Variants in ADSS1 observed in about 807,000 individuals in gnomAD.
ADSS1 encodes the protein adenylosuccinate synthetase isozyme 1.
A neutral mutation model predicts 59.1 loss-of-function variants in ADSS1; 57 were observed. The ratio of observed to expected loss-of-function variants is 0.97; its 90% confidence interval spans 0.78 to 1.20. ADSS1 has a LOEUF of 1.20. Ranked by LOEUF, ADSS1 falls within the 50% of genes most tolerant of loss-of-function variation. The probability of loss-of-function intolerance (pLI) is 0.00; values close to 1 mark genes in which losing one functional copy is unlikely to be tolerated. For missense variants in ADSS1, 603 were observed against 610.3 expected, an observed-to-expected ratio of 0.99 and a Z score of 0.13; for synonymous variants, 247 against 249.4, an observed-to-expected ratio of 0.99 and a Z score of 0.09.
chr14:104,734,050 C>T (rs1891028648), intron 1 of ADSS1, among the ~76,000 whole-genome samples: 1 of 152,246 alleles, frequency 6.6e-6, no homozygotes, highest in South Asian at 2.1e-4. Context: ...TAGGGATATC[C>T]CTTGCCGTTG....
chr14:104,739,306 C>T (rs768916203), intron 3 of ADSS1, 22 bp from the exon 4 acceptor site: 13 of 1,603,884 alleles, frequency 8.1e-6, no homozygotes, highest in South Asian at 1.1e-5. Context: ...CACTGACCCA[C>T]CTGTGTGCCG....
intron 3 of ADSS1, 33 bp downstream of exon 3, chr14:104,738,471 C>T: frequency 6.2e-7 from 1 of 1,609,932 alleles, no homozygotes. Flanking sequence ...TTGCCCTGTC[C>T]CAGACGCGGT....
At chr14:104,730,655 A>G (rs761987336) in intron 1 of ADSS1, among the ~76,000 whole-genome samples, 12 of 152,064 alleles carry the variant, frequency 7.9e-5, no homozygotes, top group Non-Finnish European at 1.8e-4. Flanking sequence ...TGGTGGGAGG[A>G]CTGGGGAGTG....
Position 104,737,907 on chromosome 14 carries a change from C to T in ADSS1, c.296-469C>T, listed in dbSNP as rs116861084. On this transcript the variant is annotated intron_variant, in intron 2 of 12. Transcript: ENST00000330877. Reference sequence around the variant, plus strand: ...GTAGACCGTGTTCTGCTTACCCATTCATCTGTCAATGGACAGCTCTTGGCT... The same window carrying T: ...GTAGACCGTGTTCTGCTTACCCATTTATCTGTCAATGGACAGCTCTTGGCT... 27 of 161,438 alleles carry T rather than the reference C, an allele frequency of 1.7e-4. No homozygotes were observed. In the East Asian group the frequency reaches 4.9e-3, roughly 29 times the overall value. The allele number at this position is 161,438 out of a possible 1,614,324, so 10.0% of individuals were successfully genotyped here.
chr14:104,734,407 G>A (rs946969863), intron 1 of ADSS1, among the ~76,000 whole-genome samples: 1 of 152,220 alleles, frequency 6.6e-6, no homozygotes, highest in Non-Finnish European at 1.5e-5. Flanking sequence ...TGGCATCCAG[G>A]GCGTGGCACA....
intron 4 of ADSS1, 97 bp from the exon 5 acceptor site, chr14:104,739,653 A>G (rs1891261475): frequency 2.2e-6 from 3 of 1,370,336 alleles, no homozygotes; most frequent in South Asian, 1.2e-5. Context: ...CCCCCTTCCC[A>G]GGAGACTCAG....
chr14:104,734,226 C>T (rs1381453570), intron 1 of ADSS1, among the ~76,000 whole-genome samples: 1 of 152,186 alleles, frequency 6.6e-6, no homozygotes, highest in Non-Finnish European at 1.5e-5. Context: ...CCCACCTGCC[C>T]TGCAGGAGCA....
At chr14:104,739,911 G>A in intron 5 of ADSS1, 95 bp downstream of exon 5, 1 of 1,369,896 alleles carries the variant, frequency 7.3e-7, no homozygotes, top group East Asian at 2.4e-5. Context: ...ACAACGAGGA[G>A]GGTACCTCAA....
Position 104,724,405 on chromosome 14 carries a change from C to T in ADSS1, c.135C>T (p.Gly45=). The T allele has an allele frequency of 7.9e-7, 1 of 1,264,610 alleles. No individual in the cohort carries two copies. Among genetic ancestry groups the T allele is most frequent in the Non-Finnish European group, 1.0e-6 (1 of 999,556 alleles). The allele number at this position is 1,264,610 out of a possible 1,614,324, so 78.3% of individuals were successfully genotyped here. The part of the protein sequence containing the change: ...VVLGAQWGDE[G]KGKVVDLLAT... ...TGGGCGCGCAGTGGGGGGACGAGGGCAAAGGCAAGGTGGTGGACCTGCTGG... is the reference window on the plus strand; with the variant it reads ...TGGGCGCGCAGTGGGGGGACGAGGGTAAAGGCAAGGTGGTGGACCTGCTGG... Residue 45 remains glycine, a synonymous_variant, in exon 1 of 13, where the codon GGC becomes GGT. Transcript: ENST00000330877.
intron 12 of ADSS1, 58 bp from the exon 13 acceptor site, chr14:104,746,893 C>G (rs746975867): frequency 1.3e-6 from 2 of 1,583,992 alleles, no homozygotes; most frequent in African/African-American, 2.7e-5. Context: ...CTAAAGACAA[C>G]TTTTTCTGAA....
chr14:104,724,506 C>A (rs1419299401), intron 1 of ADSS1, 44 bp downstream of exon 1: 2 of 1,133,224 alleles, frequency 1.8e-6, no homozygotes, highest in Admixed American at 4.6e-5. Context: ...GCCCAGCGAG[C>A]CCCCCTCCCC....
rs1287020035 is a variant in ADSS1, at chr14:104,741,223, C to T, written c.773C>T (p.Ala258Val). Residue 258 changes from alanine to valine, a missense_variant, in exon 8 of 13, where the codon GCC becomes GTC. Transcript: ENST00000330877. Reference protein sequence around the residue: ...KKILVEGANAALLDIDFGTYP... With the variant: ...KKILVEGANAVLLDIDFGTYP... ...ATCCTGGTGGAGGGTGCCAACGCCG[C>T]CCTCCTCGACATTGACTTCGGTATG... The T allele has an allele frequency of 6.2e-7, 1 of 1,601,292 alleles. No homozygotes were observed. The highest frequency in any genetic ancestry group is 1.7e-5 in the Admixed American group (1 of 57,458).
Position 104,741,198 on chromosome 14 carries a change from A to T in ADSS1, c.748A>T (p.Ile250Phe). The change falls in exon 8 of 13, where the codon ATC becomes TTC. Residue 250 changes from isoleucine to phenylalanine, a missense_variant. Physicochemically the swap from Ile to Phe is conservative, Grantham distance 21 (BLOSUM62 0). Coordinates refer to ENST00000330877, the MANE Select transcript of ADSS1 (RefSeq NM_152328.5). ...YEALHGPPKK[I>F]LVEGANAALL... ...GGCACTCCACGGCCCCCCCAAGAAG[A>T]TCCTGGTGGAGGGTGCCAACGCCGC... The T allele has an allele frequency of 6.2e-7, 1 of 1,611,476 alleles. No homozygotes were observed. The highest frequency in any genetic ancestry group is 8.5e-7 in the Non-Finnish European group (1 of 1,178,888).
chr14:104,738,703 AC>A (rs905101776), intron 3 of ADSS1, among the ~76,000 whole-genome samples: 1 of 152,220 alleles, frequency 6.6e-6, no homozygotes, highest in African/African-American at 2.4e-5. Flanking sequence ...AGGGACCTGG[AC>A]CAGACACCCA....
At chr14:104,734,908 A>C in intron 1 of ADSS1, 112 bp from the exon 2 acceptor site, 1 of 888,742 alleles carries the variant, frequency 1.1e-6, no homozygotes. Context: ...AGACACCCCA[A>C]AATCCAACAG....
chr14:104,740,285 C>T lies in ADSS1; in HGVS notation c.477-316C>T, dbSNP rs891672662. 3.9e-5 allele frequency among the ~76,000 whole-genome samples: 6 copies of T among 152,204 alleles called. No homozygotes were observed. The highest frequency in any genetic ancestry group is 3.9e-4 in the East Asian group (2 of 5,182). ...CTCATGCTCTTACATACACACCACA[C>T]GCCCACGCATGCTCGCACAGTTATG... On this transcript the variant is annotated intron_variant, in intron 5 of 12. Coordinates refer to ENST00000330877, the MANE Select transcript of ADSS1 (RefSeq NM_152328.5). The surrounding 1 kb of genome is among the most constrained non-coding windows in gnomAD (Gnocchi z 4.8).
At chr14:104,733,521 G>A (rs554902430) in intron 1 of ADSS1, among the ~76,000 whole-genome samples, 3 of 152,176 alleles carry the variant, frequency 2.0e-5, no homozygotes, top group African/African-American at 7.2e-5. Context: ...CAGAGGGAGG[G>A]GGCCGCCATC....
intron 1 of ADSS1, among the ~76,000 whole-genome samples, chr14:104,726,088 C>G (rs1022488207): frequency 1.3e-5 from 2 of 152,204 alleles, no homozygotes; most frequent in Non-Finnish European, 2.9e-5. Flanking sequence ...AGGCTGCCCC[C>G]GCCAGGCCAC....
Position 104,730,222 on chromosome 14 carries a change from G to C in ADSS1, c.193-4798G>C, listed in dbSNP as rs1158737876. On this transcript the variant is annotated intron_variant, in intron 1 of 12. Transcript: ENST00000330877. ...CACCTGGAGGGGAGCGGGTGGGTGC[G>C]GTGGCGTACATCTGTAACTCCAGCA... The C allele has an allele frequency of 4.7e-6, 7 of 1,493,164 alleles. No homozygotes were observed. In the African/African-American group the frequency reaches 9.7e-5, roughly 21 times the overall value. 92.5% of individuals were successfully genotyped at this position (1,493,164 alleles called of 1,614,324 possible).
Sources: allele counts gnomAD v4.1 joint callset (sites outside exome capture counted in the v4.1 genomes callset), GRCh38; gene constraint gnomAD v4.1.1; non-coding constraint Gnocchi (gnomAD v3.1); transcripts MANE v1.5; gene names NCBI Gene and HGNC (gene_info 2026-07-23, HGNC 2026-07-21).